The following CLSTN2 variants were observed in gnomAD, a reference collection of about 807,000 sequenced individuals.
The protein encoded by CLSTN2 is calsyntenin-2.
Under a neutral mutation model 101.2 loss-of-function variants are expected in CLSTN2, and 48 were observed. The ratio of observed to expected loss-of-function variants is 0.47; its 90% CI spans 0.38 to 0.60. CLSTN2 has a LOEUF of 0.60. Ranked by LOEUF, CLSTN2 falls within the 20% of genes least tolerant of loss-of-function variation. The probability of loss-of-function intolerance (pLI) is 0.00; values close to 1 mark genes in which losing one functional copy is unlikely to be tolerated. For synonymous variants in CLSTN2, 481 were observed against 463.6 expected, an observed-to-expected ratio of 1.04 and a Z score of -0.48; for missense variants, 1,160 against 1,238.2, an observed-to-expected ratio of 0.94 and a Z score of 0.95.
At chr3:140,248,651 G>A (rs1287876736) in intron 2 of CLSTN2, among the ~76,000 whole-genome samples, 1 of 152,204 alleles carries the variant, frequency 6.6e-6, no homozygotes, top group Non-Finnish European at 1.5e-5. Context: ...CACAGGCGTG[G>A]AGGCCTGGTA....
chr3:140,468,024 C>T (rs1180906027), intron 8 of CLSTN2, among the ~76,000 whole-genome samples: 1 of 152,210 alleles, frequency 6.6e-6, no homozygotes, highest in Non-Finnish European at 1.5e-5. Context: ...TAGGGGAGCC[C>T]AGTGGCAACT....
chr3:140,337,803 G>A (rs80070817), intron 2 of CLSTN2, among the ~76,000 whole-genome samples: 2,624 of 152,264 alleles, frequency 0.017, 74 homozygotes, highest in African/African-American at 0.058. Context: ...CAGCAATGCC[G>A]CCTTCAGAAG....
chr3:140,109,529 A>C (rs1038160307), intron 1 of CLSTN2, among the ~76,000 whole-genome samples: 1 of 152,188 alleles, frequency 6.6e-6, no homozygotes, highest in Non-Finnish European at 1.5e-5. Flanking sequence ...GAATGGATAC[A>C]GTGGGGTCAT....
chr3:140,051,562 G>A (rs1472702630), intron 1 of CLSTN2, among the ~76,000 whole-genome samples: 1 of 152,170 alleles, frequency 6.6e-6, no homozygotes, highest in African/African-American at 2.4e-5. Context: ...GGGCCAGGAG[G>A]AGGGATTATT....
At chr3:140,459,826 C>A in intron 7 of CLSTN2, 57 bp downstream of exon 7, 1 of 1,596,552 alleles carries the variant, frequency 6.3e-7, no homozygotes, top group South Asian at 1.1e-5. Flanking sequence ...CCCATTTTGT[C>A]ACAGGTGGCT....
chr3:140,394,883 G>A (rs2088162638), intron 2 of CLSTN2, among the ~76,000 whole-genome samples: 1 of 152,160 alleles, frequency 6.6e-6, no homozygotes, highest in Admixed American at 6.5e-5. Flanking sequence ...GAGTGAATGA[G>A]TACAGTAGGT....
chr3:140,423,712 G>A (rs565392280), intron 5 of CLSTN2, among the ~76,000 whole-genome samples: 1 of 152,036 alleles, frequency 6.6e-6, no homozygotes, highest in East Asian at 1.9e-4. Context: ...GCCCAGACAT[G>A]TCACAGTACC....
chr3:140,155,075 T>A (rs2009933489), intron 1 of CLSTN2, among the ~76,000 whole-genome samples: 1 of 152,046 alleles, frequency 6.6e-6, no homozygotes, highest in Non-Finnish European at 1.5e-5. Context: ...CCAAACCATA[T>A]CCACAGCCTT....
intron 1 of CLSTN2, among the ~76,000 whole-genome samples, chr3:139,977,794 G>C (rs1304492032): frequency 6.6e-6 from 1 of 152,208 alleles, no homozygotes; most frequent in African/African-American, 2.4e-5. Flanking sequence ...ACCTGCAGGT[G>C]CTTCTGTATA....
chr3:140,536,646 A>G (rs1935364090), intron 9 of CLSTN2, among the ~76,000 whole-genome samples: 1 of 152,204 alleles, frequency 6.6e-6, no homozygotes, highest in Non-Finnish European at 1.5e-5. Flanking sequence ...CCATGGGAAG[A>G]TTTGAGTATT....
intron 1 of CLSTN2, among the ~76,000 whole-genome samples, chr3:140,094,911 C>G (rs2008843673): frequency 6.6e-6 from 1 of 152,190 alleles, no homozygotes; most frequent in Non-Finnish European, 1.5e-5. Context: ...CGTCAAGGAT[C>G]GTACTGCAGC....
At chr3:140,289,757 T>A (rs936103630) in intron 2 of CLSTN2, among the ~76,000 whole-genome samples, 1 of 152,078 alleles carries the variant, frequency 6.6e-6, no homozygotes, top group African/African-American at 2.4e-5. Context: ...CTTTCTAAAA[T>A]CACATTTCTG....
rs182127492 is a variant in CLSTN2 at position 139,972,508 on chromosome 3, C to T, written c.109+37025C>T. Among the ~76,000 whole-genome samples, 78 of 152,246 alleles carry T rather than the reference C, an allele frequency of 5.1e-4. 1 individual carries two copies. Among genetic ancestry groups the T allele is most frequent in the Non-Finnish European group, 6.9e-4 (47 of 68,020 alleles). On this transcript the variant is annotated intron_variant, in intron 1 of 16. Coordinates refer to ENST00000458420, the MANE Select transcript of CLSTN2 (RefSeq NM_022131.3). ...CAGACAGTGGACTAAACACTCTGCTCCATCACTTGCTGACAACATCACCCC... is the reference window on the plus strand; with the variant it reads ...CAGACAGTGGACTAAACACTCTGCTTCATCACTTGCTGACAACATCACCCC...
chr3:140,469,327 C>T (rs1264115218), intron 8 of CLSTN2, among the ~76,000 whole-genome samples: 14 of 152,330 alleles, frequency 9.2e-5, no homozygotes, highest in Admixed American at 9.1e-4. Context: ...CAGCTGCCCT[C>T]CCTCTGAAGG....
At chr3:140,317,205 A>G (rs891605159) in intron 2 of CLSTN2, among the ~76,000 whole-genome samples, 1 of 152,174 alleles carries the variant, frequency 6.6e-6, no homozygotes, top group African/African-American at 2.4e-5. Context: ...TGTTGAGTGG[A>G]CCAGATGGCT....
chr3:140,203,967 C>T (rs752172603), intron 2 of CLSTN2, among the ~76,000 whole-genome samples: 3 of 152,108 alleles, frequency 2.0e-5, no homozygotes, highest in African/African-American at 7.2e-5. Context: ...GCAGCTAGGA[C>T]CACTCCTTGA....
At chr3:140,517,062 T>C (rs186181060) in intron 8 of CLSTN2, among the ~76,000 whole-genome samples, 5 of 152,312 alleles carry the variant, frequency 3.3e-5, no homozygotes, top group Admixed American at 3.3e-4. Context: ...AGTGAGTTAA[T>C]TCAAAAGCCT....
At chr3:140,402,819 A>G (rs1426230171) in intron 2 of CLSTN2, among the ~76,000 whole-genome samples, 2 of 152,210 alleles carry the variant, frequency 1.3e-5, no homozygotes, top group African/African-American at 4.8e-5. Context: ...TAAGCCAATC[A>G]GTTAGTAAGT....
intron 8 of CLSTN2, among the ~76,000 whole-genome samples, chr3:140,488,436 G>A (rs1405252187): frequency 1.3e-5 from 2 of 151,946 alleles, no homozygotes; most frequent in African/African-American, 4.8e-5. Context: ...GAACACCTCA[G>A]GAGTGGTTAT....
Sources: gnomAD v4.1 joint callset for allele counts (sites outside exome capture counted in the v4.1 genomes callset) on GRCh38, gnomAD v4.1.1 for gene constraint, MANE v1.5 for transcripts, NCBI Gene and HGNC (gene_info 2026-07-23, HGNC 2026-07-21) for gene names.